Variants in PCDHGB5 observed in about 807,000 individuals in gnomAD.
The protein encoded by PCDHGB5 is protocadherin gamma subfamily B, 5.
In PCDHGB5, 48 loss-of-function variants were observed where a neutral mutation model predicts 62.9. That is an observed-to-expected ratio of 0.76 (90% CI 0.61 to 0.97). The LOEUF (loss-of-function observed/expected upper bound fraction) is 0.97, where lower values mean the gene tolerates loss of function less well. Among genes scored for constraint, PCDHGB5 ranks in the 50% least tolerant of loss-of-function variants. The probability of loss-of-function intolerance (pLI) is 0.00; values close to 1 mark genes in which losing one functional copy is unlikely to be tolerated. For missense variants in PCDHGB5, 1,118 were observed against 1,198.6 expected, an observed-to-expected ratio of 0.93 and a Z score of 0.99; for synonymous variants, 474 against 511.2, an observed-to-expected ratio of 0.93 and a Z score of 0.98.
At chr5:141,413,316 T>C (rs769316460) in intron 1 of PCDHGB5, 13 of 1,613,976 alleles carry the variant, frequency 8.1e-6, no homozygotes, top group Non-Finnish European at 1.1e-5. Flanking sequence ...AGAAAGGCTC[T>C]TTCGTGGGCA....
rs1317717658 is a variant in PCDHGB5, at chr5:141,476,494, G to A, written c.2398-18313G>A. On this transcript the variant is annotated intron_variant, in intron 1 of 3. Coordinates refer to ENST00000617380, the MANE Select transcript of PCDHGB5 (RefSeq NM_018925.3). The surrounding 1 kb of genome is among the most constrained non-coding windows in gnomAD (Gnocchi z 7.6). ...TGTTCAGCGTGGAAGTGGTGATCCA[G>A]GACATCAACGACAACAATCCTGCTT... The A allele has an allele frequency of 6.2e-7, 1 of 1,614,012 alleles. No individual in the cohort carries two copies. The highest frequency in any genetic ancestry group is 8.5e-7 in the Non-Finnish European group (1 of 1,179,988).
chr5:141,457,422 T>C (rs2098920028), intron 1 of PCDHGB5, among the ~76,000 whole-genome samples: 1 of 151,626 alleles, frequency 6.6e-6, no homozygotes. Flanking sequence ...CATCCCTTTT[T>C]CCCCCCCACC....
chr5:141,410,518 C>T (rs753664223), intron 1 of PCDHGB5: 1 of 1,613,820 alleles, frequency 6.2e-7, no homozygotes, highest in Non-Finnish European at 8.5e-7. Flanking sequence ...GCAGTGTGCC[C>T]CTACATTCCA....
chr5:141,413,570 A>G, intron 1 of PCDHGB5: 1 of 1,613,930 alleles, frequency 6.2e-7, no homozygotes, highest in Non-Finnish European at 8.5e-7. Context: ...GATATCAATG[A>G]CAATGCTCCA....
Position 141,495,452 on chromosome 5 carries a change from CTCTG to C in PCDHGB5, c.2456+593_2456+596del, listed in dbSNP as rs550877100. ...GTCCTCTGCCCCTACTTGTCCTGCTCTCTGTCTGTGGGGTCTCCGTGTCTCTGCC... is the reference window on the plus strand; with the variant it reads ...GTCCTCTGCCCCTACTTGTCCTGCTCTCTGTGGGGTCTCCGTGTCTCTGCC... On this transcript the variant is annotated intron_variant, in intron 2 of 3. Coordinates refer to ENST00000617380, the MANE Select transcript of PCDHGB5 (RefSeq NM_018925.3). 5.6e-4 allele frequency among the ~76,000 whole-genome samples: 85 copies of C among 152,356 alleles called. 1 individual carries two copies. Among genetic ancestry groups the C allele is most frequent in the Admixed American group, 3.5e-3 (53 of 15,310 alleles).
chr5:141,408,013 CCA>C, intron 1 of PCDHGB5: 1 of 989,288 alleles, frequency 1.0e-6, no homozygotes, highest in Non-Finnish European at 1.4e-6. Flanking sequence ...CCCTGCGCAG[CCA>C]ACAACAGAAA....
At position 141,476,209 on chromosome 5, in the gene PCDHGB5, G is replaced by A. The variant is rs749576231; in HGVS notation, c.2398-18598G>A. ...TTGGTGCCTTGAACAAGGCTTCCAC[G>A]GTCATTCACTATGAGATCCCGGAGG... On this transcript the variant is annotated intron_variant, in intron 1 of 3. Coordinates refer to ENST00000617380, the MANE Select transcript of PCDHGB5 (RefSeq NM_018925.3). The surrounding 1 kb of genome is among the most constrained non-coding windows in gnomAD (Gnocchi z 7.6). The A allele has an allele frequency of 3.1e-6, 5 of 1,613,974 alleles. No individual in the cohort carries two copies. Among genetic ancestry groups the A allele is most frequent in the Admixed American group, 1.7e-5 (1 of 60,014 alleles).
rs2099698809 is a variant in PCDHGB5 at position 141,490,343 on chromosome 5, T to C, written c.2398-4464T>C. On this transcript the variant is annotated intron_variant, in intron 1 of 3. Transcript: ENST00000617380. This position sits in a 1 kb window ranked among gnomAD's most constrained non-coding sequence, Gnocchi z 5.4. ...CTAGAGAGCACACCAGTGGGCACAG[T>C]AGTGGGGTTGTTTAATGTGCGAGAC... The C allele has an allele frequency of 6.2e-7, 1 of 1,614,018 alleles. No individual in the cohort carries two copies. Among genetic ancestry groups the C allele is most frequent in the Admixed American group, 1.7e-5 (1 of 60,006 alleles).
In PCDHGB5 at chr5:141,485,115, G is replaced by A. The variant is rs1043877839; in HGVS notation, c.2398-9692G>A. 6.9e-6 allele frequency: 9 copies of A among 1,300,470 alleles called. No individual in the cohort carries two copies. Among genetic ancestry groups the A allele is most frequent in the Non-Finnish European group, 1.1e-6 (1 of 911,406 alleles). 80.6% of individuals were successfully genotyped at this position (1,300,470 alleles called of 1,614,324 possible). ...GTGTCTCCAGCTGCTGTGGCTGTTT[G>A]GGGCGGGTCGGCTTCATCCGCGTCT... On this transcript the variant is annotated intron_variant, in intron 1 of 3. Coordinates refer to ENST00000617380, the MANE Select transcript of PCDHGB5 (RefSeq NM_018925.3). The surrounding 1 kb of genome is among the most constrained non-coding windows in gnomAD (Gnocchi z 5.7).
Position 141,486,785 on chromosome 5 carries a change from C to G in PCDHGB5, c.2398-8022C>G, listed in dbSNP as rs763174232. The G allele has an allele frequency of 2.8e-5, 45 of 1,614,102 alleles. No homozygotes were observed. The highest frequency in any genetic ancestry group is 3.6e-5 in the Non-Finnish European group (42 of 1,180,050). On this transcript the variant is annotated intron_variant, in intron 1 of 3. Coordinates refer to ENST00000617380, the MANE Select transcript of PCDHGB5 (RefSeq NM_018925.3). The surrounding 1 kb of genome is among the most constrained non-coding windows in gnomAD (Gnocchi z 5.0). ...GACACTGCAGTTTGAGGTGCAGGCC[C>G]GGGATCGGGGCAACCCACCCCTTAG... is the stretch of plus-strand genomic sequence containing the variant.
chr5:141,475,343 G>C (rs1425482944), intron 1 of PCDHGB5, among the ~76,000 whole-genome samples: 3 of 152,178 alleles, frequency 2.0e-5, no homozygotes, highest in Non-Finnish European at 2.9e-5. Context: ...ATGACATCCA[G>C]TTTTAAAAGA....
chr5:141,486,391 C>T lies in PCDHGB5; in HGVS notation c.2398-8416C>T. The T allele has an allele frequency of 6.2e-7, 1 of 1,614,112 alleles. No individual in the cohort carries two copies. The highest frequency in any genetic ancestry group is 8.5e-7 in the Non-Finnish European group (1 of 1,179,984). Reference sequence around the variant, plus strand: ...AGTCTGCCTTCAGGAACCAGTTCTCCCTGGTGACTGCTGGACCCTTGGATC... The same window carrying T: ...AGTCTGCCTTCAGGAACCAGTTCTCTCTGGTGACTGCTGGACCCTTGGATC... On this transcript the variant is annotated intron_variant, in intron 1 of 3. Transcript: ENST00000617380. The surrounding 1 kb of genome is among the most constrained non-coding windows in gnomAD (Gnocchi z 5.0).
In PCDHGB5 at chr5:141,399,479, C is replaced by T. The variant is rs774561101; in HGVS notation, c.1352C>T (p.Ala451Val). 3 of 1,614,032 alleles carry T rather than the reference C, an allele frequency of 1.9e-6. No individual in the cohort carries two copies. In the Admixed American group the frequency reaches 5.0e-5, roughly 27 times the overall value. Residue 451 changes from alanine to valine, a missense_variant, in exon 1 of 4, where the codon GCG (alanine) becomes GTG (valine). Physicochemically the swap from Ala to Val is moderately conservative, Grantham distance 64. Transcript: ENST00000617380. ...GATAACGCTCCGGTTTTCCACCAGG[C>T]GTCCTACTTAGTCAGTGTACCCGAA... ...VNDNAPVFHQ[A>V]SYLVSVPENN...
At position 141,510,984 on chromosome 5, in the gene PCDHGB5, C is replaced by T. The variant is rs375865663; in HGVS notation, c.2583C>T (p.Ala861=). The change falls in exon 4 of 4, where the codon GCC becomes GCT. Residue 861 remains alanine (A), a synonymous_variant. Coordinates refer to ENST00000617380, the MANE Select transcript of PCDHGB5 (RefSeq NM_018925.3). ...GGAGCTCCACCCTGGGAGGGGGTGC[C>T]GGCACCATGGGATTGAGCGCCCGCT... The part of the protein sequence containing the change: ...ADGSSTLGGG[A]GTMGLSARYG... 20 of 1,614,044 alleles carry T rather than the reference C, an allele frequency of 1.2e-5. No homozygotes were observed. The East Asian group carries it at 1.6e-4, about 13-fold the overall frequency.
chr5:141,427,096 T>A, intron 1 of PCDHGB5: 1 of 458,056 alleles, frequency 2.2e-6, no homozygotes, highest in Non-Finnish European at 4.4e-6. Flanking sequence ...GATGAGGGTG[T>A]CAATGCGGAG....
Position 141,485,602 on chromosome 5 carries a change from G to A in PCDHGB5, c.2398-9205G>A, listed in dbSNP as rs766134158. On this transcript the variant is annotated intron_variant, in intron 1 of 3. Transcript: ENST00000617380. The surrounding 1 kb of genome is among the most constrained non-coding windows in gnomAD (Gnocchi z 5.7). ...GGCAGCAGCTGGACTTGGAAATTGG[G>A]GAGGCAGCTCCTCCAGGACAGCGTT... is the stretch of plus-strand genomic sequence containing the variant. 2.5e-6 allele frequency: 4 copies of A among 1,612,418 alleles called. No individual in the cohort carries two copies. In the Admixed American group the frequency reaches 5.0e-5, roughly 20 times the overall value.
At chr5:141,433,264 G>T in intron 1 of PCDHGB5, 1 of 1,314,872 alleles carries the variant, frequency 7.6e-7, no homozygotes, top group South Asian at 1.4e-5. Flanking sequence ...TACGATCATA[G>T]CTCACTGCAG....
At chr5:141,419,702 G>T (rs116279995) in intron 1 of PCDHGB5, 2 of 1,612,834 alleles carry the variant, frequency 1.2e-6, no homozygotes, top group East Asian at 4.5e-5. Context: ...CAGTGAGCCC[G>T]GGCTCTTCAG....
intron 1 of PCDHGB5, chr5:141,418,002 G>A: frequency 1.9e-6 from 3 of 1,613,916 alleles, no homozygotes; most frequent in Non-Finnish European, 2.5e-6. Flanking sequence ...TCGGTGGTGG[G>A]GAACCTCGCT....
Sources: allele counts gnomAD v4.1 joint callset (sites outside exome capture counted in the v4.1 genomes callset), GRCh38; gene constraint gnomAD v4.1.1; non-coding constraint Gnocchi (gnomAD v3.1); transcripts MANE v1.5; gene names NCBI Gene and HGNC (gene_info 2026-07-23, HGNC 2026-07-21).